PRIMA1: variants seen among roughly 807,000 people sequenced by gnomAD.
PRIMA1 encodes proline-rich membrane anchor 1.
A neutral mutation model predicts 17.5 loss-of-function variants in PRIMA1; 7 were observed. The ratio of observed to expected loss-of-function variants is 0.40; its 90% CI spans 0.23 to 0.75. PRIMA1 has a LOEUF of 0.75. Among genes scored for constraint, PRIMA1 ranks in the 30% least tolerant of loss-of-function variants. The probability of loss-of-function intolerance (pLI) is 0.37; values close to 1 mark genes in which losing one functional copy is unlikely to be tolerated. For synonymous variants in PRIMA1, 97 were observed against 77.9 expected, an observed-to-expected ratio of 1.25 and a Z score of -1.29; for missense variants, 200 against 201.8, an observed-to-expected ratio of 0.99 and a Z score of 0.05.
chr14:93,759,308 A>G (rs74073706), intron 3 of PRIMA1, among the ~76,000 whole-genome samples: 2,049 of 152,248 alleles, frequency 0.013, 36 homozygotes, highest in African/African-American at 0.042. Context: ...AAATGCCGGT[A>G]GTGCTTACTC....
At chr14:93,771,242 T>G in intron 3 of PRIMA1, among the ~76,000 whole-genome samples, 1 of 152,052 alleles carries the variant, frequency 6.6e-6, no homozygotes, top group Non-Finnish European at 1.5e-5. Flanking sequence ...AGGGGTGGTG[T>G]CTAATTCCCC....
rs550281792 is a variant in PRIMA1 at position 93,719,838 on chromosome 14, C to T, written c.*1606G>A. 2.0e-5 allele frequency: 3 copies of T among 152,308 alleles called. No individual in the cohort carries two copies. The highest frequency in any genetic ancestry group is 4.4e-5 in the Non-Finnish European group (3 of 68,154). The allele number at this position is 152,308 out of a possible 1,614,324, so 9.4% of individuals were successfully genotyped here. On this transcript the variant is annotated 3_prime_UTR_variant, in exon 5 of 5. Transcript: ENST00000393140. ...AGAAGGAAATGAGGAAAGAAGAAAACCCCTTTATGGGAGGGTATGCCCTGG... is the reference window on the plus strand; with the variant it reads ...AGAAGGAAATGAGGAAAGAAGAAAATCCCTTTATGGGAGGGTATGCCCTGG...
intron 3 of PRIMA1, among the ~76,000 whole-genome samples, chr14:93,763,586 C>T (rs923392200): frequency 3.3e-5 from 5 of 152,222 alleles, no homozygotes; most frequent in Non-Finnish European, 7.3e-5. Flanking sequence ...CACTCTGCAG[C>T]TTGCAGGTGC....
At chr14:93,750,590 C>T (rs2076253644) in intron 3 of PRIMA1, among the ~76,000 whole-genome samples, 1 of 152,190 alleles carries the variant, frequency 6.6e-6, no homozygotes, top group South Asian at 2.1e-4. Flanking sequence ...CACAGACACA[C>T]CTATTTGTTT....
intron 3 of PRIMA1, among the ~76,000 whole-genome samples, chr14:93,746,814 T>A (rs1001204286): frequency 6.6e-6 from 1 of 152,006 alleles, no homozygotes. Context: ...CATGGAAATG[T>A]GGATGTGGGC....
At position 93,780,478 on chromosome 14, in the gene PRIMA1, T is replaced by A. The variant is rs148368906; in HGVS notation, c.94-1167A>T. 6.4e-4 allele frequency among the ~76,000 whole-genome samples: 97 copies of A among 152,358 alleles called. 1 individual carries two copies. Among genetic ancestry groups the A allele is most frequent in the African/African-American group, 2.2e-3 (91 of 41,582 alleles). On this transcript the variant is annotated intron_variant, in intron 2 of 4. Transcript: ENST00000393140. ...AAAACTGGGCCACAATCCACGCCTC[T>A]TGAACCTTGGCCTGGTGTTTTTCCA...
At chr14:93,759,259 C>G (rs540131883) in intron 3 of PRIMA1, among the ~76,000 whole-genome samples, 2 of 152,234 alleles carry the variant, frequency 1.3e-5, no homozygotes, top group South Asian at 4.2e-4. Flanking sequence ...ACTGTCCCTG[C>G]AGTTGCATGA....
intron 3 of PRIMA1, among the ~76,000 whole-genome samples, chr14:93,761,430 C>G (rs1170178644): frequency 1.3e-5 from 2 of 152,102 alleles, no homozygotes; most frequent in African/African-American, 2.4e-5. Flanking sequence ...GGACTAACCT[C>G]CCCAGTCTCA....
rs117436089 is a variant in PRIMA1, at chr14:93,771,095, C to T, written c.229+8081G>A. Among the ~76,000 whole-genome samples the T allele has an allele frequency of 1.4e-3, 212 of 151,394 alleles. 2 individuals are homozygous for T. Among genetic ancestry groups the T allele is most frequent in the South Asian group, 0.013 (63 of 4,764 alleles). On this transcript the variant is annotated intron_variant, in intron 3 of 4. Coordinates refer to ENST00000393140, the MANE Select transcript of PRIMA1 (RefSeq NM_178013.4). ...GCATGTATGTGTGTACATGTGCGTG[C>T]GTGTGCATGTACGCGTGTGCATGTA...
At chr14:93,784,310 C>T (rs1250598250) in intron 2 of PRIMA1, among the ~76,000 whole-genome samples, 6 of 152,230 alleles carry the variant, frequency 3.9e-5, no homozygotes, top group Non-Finnish European at 8.8e-5. Context: ...CTGCATCCAT[C>T]CTTCATGCAG....
intron 3 of PRIMA1, among the ~76,000 whole-genome samples, chr14:93,744,483 C>A (rs1418131400): frequency 2.0e-5 from 3 of 152,246 alleles, no homozygotes; most frequent in Admixed American, 2.0e-4. Context: ...GGGCTGCTCA[C>A]TCACTCCTCA....
rs1566960582 is a variant in PRIMA1 at position 93,720,398 on chromosome 14, C to T, written c.*1046G>A. ...TGGAAACAGACATTGAAAGGAAGAC[C>T]CTGGAAGAACAACACCTCCTTCTTG... is the stretch of plus-strand genomic sequence containing the variant. On this transcript the variant is annotated 3_prime_UTR_variant, in exon 5 of 5. Transcript: ENST00000393140. 6.6e-6 allele frequency: 1 copy of T among 152,348 alleles called. No homozygotes were observed. The highest frequency in any genetic ancestry group is 1.5e-5 in the Non-Finnish European group (1 of 68,174). The allele number at this position is 152,348 out of a possible 1,614,324, so 9.4% of individuals were successfully genotyped here. A position where few individuals can be genotyped will look rare whatever the true frequency, so the allele number is the denominator to read the frequency against.
intron 3 of PRIMA1, among the ~76,000 whole-genome samples, chr14:93,742,795 C>T (rs935125265): frequency 1.7e-4 from 26 of 152,206 alleles, no homozygotes; most frequent in African/African-American, 6.0e-4. Flanking sequence ...CTTCAAGACA[C>T]TGCTAGGCAC....
chr14:93,783,814 G>C (rs555461310), intron 2 of PRIMA1, among the ~76,000 whole-genome samples: 1 of 152,142 alleles, frequency 6.6e-6, no homozygotes, highest in African/African-American at 2.4e-5. Flanking sequence ...CTGTAGCAGA[G>C]GTCTGAGGGA....
intron 3 of PRIMA1, among the ~76,000 whole-genome samples, chr14:93,764,970 A>G (rs1271987013): frequency 6.6e-6 from 1 of 152,138 alleles, no homozygotes; most frequent in African/African-American, 2.4e-5. Context: ...TCAGGCATGT[A>G]TGCACCATTT....
At chr14:93,746,579 C>T (rs1020863743) in intron 3 of PRIMA1, among the ~76,000 whole-genome samples, 1 of 151,918 alleles carries the variant, frequency 6.6e-6, no homozygotes, top group Non-Finnish European at 1.5e-5. Flanking sequence ...ATGGGGATGC[C>T]ATAAGGAGGC....
At chr14:93,770,399 G>C (rs993547842) in intron 3 of PRIMA1, among the ~76,000 whole-genome samples, 3 of 152,178 alleles carry the variant, frequency 2.0e-5, no homozygotes, top group Non-Finnish European at 4.4e-5. Flanking sequence ...GCCTCCCTGT[G>C]GGCTCACCTC....
At chr14:93,769,453 C>T (rs960197046) in intron 3 of PRIMA1, among the ~76,000 whole-genome samples, 3 of 152,170 alleles carry the variant, frequency 2.0e-5, no homozygotes, top group Admixed American at 6.5e-5. Flanking sequence ...TTCAACACCC[C>T]GAGGCCGGAA....
rs528832020 is a variant in PRIMA1, at chr14:93,760,473, C to T, written c.229+18703G>A. ...CCTCCACCCACCCTTCCACCCCTCC[C>T]TATTCTGCTCTTCAGAGTCCTAACT... is the stretch of plus-strand genomic sequence containing the variant. On this transcript the variant is annotated intron_variant, in intron 3 of 4. Transcript: ENST00000393140. Among the ~76,000 whole-genome samples the T allele has an allele frequency of 2.6e-5, 4 of 152,234 alleles. No homozygotes were observed. In the East Asian group the frequency reaches 7.7e-4, roughly 29 times the overall value.
Sources: gnomAD v4.1 joint callset for allele counts (sites outside exome capture counted in the v4.1 genomes callset) on GRCh38, gnomAD v4.1.1 for gene constraint, MANE v1.5 for transcripts, NCBI Gene and HGNC (gene_info 2026-07-23, HGNC 2026-07-21) for gene names.